Variants in TET1 observed in about 807,000 individuals in gnomAD.
TET1 encodes tet methylcytosine dioxygenase 1.
A neutral mutation model predicts 148.7 loss-of-function variants in TET1; 13 were observed. That is an observed-to-expected ratio of 0.09 (90% confidence interval 0.06 to 0.14). The LOEUF is 0.14. Ranked by LOEUF, TET1 falls within the 10% of genes least tolerant of loss-of-function variation. The pLI, the probability that TET1 is intolerant of heterozygous loss-of-function variation, is 1.00. For synonymous variants in TET1, 907 were observed against 937.2 expected (o/e 0.97, Z 0.59); for missense variants, 2,182 against 2,553.8 (o/e 0.85, Z 3.14).
At chr10:68,643,981 T>G (rs2054800748) in intron 3 of TET1, among the ~76,000 whole-genome samples, 1 of 151,766 alleles carries the variant, frequency 6.6e-6, no homozygotes. Flanking sequence ...CTTGGCCCAC[T>G]GCAACCTCTG....
intron 3 of TET1, among the ~76,000 whole-genome samples, chr10:68,606,721 T>C (rs1020854921): frequency 1.3e-5 from 2 of 152,114 alleles, no homozygotes; most frequent in African/African-American, 4.8e-5. Context: ...GTTGAAAATA[T>C]TCACAAGGGA....
At chr10:68,615,253 T>C (rs2054273025) in intron 3 of TET1, among the ~76,000 whole-genome samples, 1 of 152,066 alleles carries the variant, frequency 6.6e-6, no homozygotes, top group Admixed American at 6.6e-5. Context: ...CAGTATTCCC[T>C]TATACCCTAC....
Position 68,654,522 on chromosome 10 carries a change from CAGG to C in TET1, c.4461+1931_4461+1933del, listed in dbSNP as rs2054993190. ...GTCCCAGCTACTCGGGAGGCTGAGG[CAGG>C]AGAATTGCTTGAACCCCCGAGGTGG... On this transcript the variant is annotated intron_variant, in intron 6 of 11. Transcript: ENST00000373644. Among the ~76,000 whole-genome samples, 5 of 152,132 alleles carry C rather than the reference CAGG, an allele frequency of 3.3e-5. No homozygotes were observed. In the South Asian group the frequency reaches 1.0e-3, roughly 31 times the overall value.
intron 6 of TET1, among the ~76,000 whole-genome samples, chr10:68,656,456 G>A (rs2055023563): frequency 6.6e-6 from 1 of 152,142 alleles, no homozygotes; most frequent in South Asian, 2.1e-4. Flanking sequence ...TAGAGACGTG[G>A]TTTCACTGCA....
chr10:68,652,662 A>G, intron 6 of TET1, 68 bp downstream of exon 6: 1 of 1,055,052 alleles, frequency 9.5e-7, no homozygotes, highest in Non-Finnish European at 1.4e-6. Context: ...ATACATTTAC[A>G]ATAGCCAGAG....
chr10:68,609,954 C>G (rs905224262), intron 3 of TET1, among the ~76,000 whole-genome samples: 1 of 151,516 alleles, frequency 6.6e-6, no homozygotes. Flanking sequence ...TTGAGACCAG[C>G]CTGGGCAACA....
intron 3 of TET1, among the ~76,000 whole-genome samples, chr10:68,622,224 TCCTTCCTC>T (rs904705009): frequency 2.7e-5 from 2 of 73,232 alleles, no homozygotes; most frequent in African/African-American, 5.5e-5. Flanking sequence ...CTTCCTTCCC[TCCTTCCTC>T]CCTTCCCTCC....
At chr10:68,581,098 G>T (rs1477645927) in intron 2 of TET1, among the ~76,000 whole-genome samples, 1 of 152,096 alleles carries the variant, frequency 6.6e-6, no homozygotes, top group East Asian at 1.9e-4. Context: ...TAACTCCTCG[G>T]ATAAGTGAAA....
chr10:68,640,797 C>T lies in TET1; in HGVS notation c.1969-3901C>T, dbSNP rs909489387. Among the ~76,000 whole-genome samples the T allele has an allele frequency of 4.6e-5, 7 of 150,876 alleles. No homozygotes were observed. In the East Asian group the frequency reaches 5.8e-4, roughly 13 times the overall value. On this transcript the variant is annotated intron_variant, in intron 3 of 11. Transcript: ENST00000373644. Reference sequence around the variant, plus strand: ...CTATCTCCTGACCTCGTGATCTGCCCGCCTTGGCCTCCCAAAGTGCTGGGA... The same window carrying T: ...CTATCTCCTGACCTCGTGATCTGCCTGCCTTGGCCTCCCAAAGTGCTGGGA...
At chr10:68,609,844 G>A (rs1300707219) in intron 3 of TET1, among the ~76,000 whole-genome samples, 1 of 151,806 alleles carries the variant, frequency 6.6e-6, no homozygotes, top group African/African-American at 2.4e-5. Flanking sequence ...TGGGAGTTGG[G>A]TGAATTATTT....
chr10:68,641,165 T>G (rs2054747363), intron 3 of TET1, among the ~76,000 whole-genome samples: 1 of 151,958 alleles, frequency 6.6e-6, no homozygotes. Context: ...ATGTGTCTTT[T>G]GGCAACATGA....
chr10:68,579,945 T>TC (rs1010458077), intron 2 of TET1, among the ~76,000 whole-genome samples: 3 of 151,692 alleles, frequency 2.0e-5, no homozygotes, highest in African/African-American at 7.3e-5. Flanking sequence ...TTTTTTTTTT[T>TC]CAGATAGAAT....
intron 4 of TET1, among the ~76,000 whole-genome samples, chr10:68,647,701 A>G (rs1380952901): frequency 2.6e-5 from 4 of 152,146 alleles, no homozygotes; most frequent in Admixed American, 2.6e-4. Flanking sequence ...CTTTCATTAT[A>G]TTTTTGTGTG....
chr10:68,625,551 A>G (rs1398621319), intron 3 of TET1, among the ~76,000 whole-genome samples: 1 of 152,210 alleles, frequency 6.6e-6, no homozygotes, highest in Admixed American at 6.5e-5. Flanking sequence ...TAACTTTAAC[A>G]GAAAACCTTC....
At chr10:68,578,559 TATA>T (rs2053757936) in intron 2 of TET1, among the ~76,000 whole-genome samples, 1 of 152,132 alleles carries the variant, frequency 6.6e-6, no homozygotes, top group Non-Finnish European at 1.5e-5. Context: ...TTTGATTCTT[TATA>T]ATATTTTAAT....
intron 7 of TET1, among the ~76,000 whole-genome samples, chr10:68,672,500 A>AAC (rs1316724486): frequency 6.7e-6 from 1 of 148,420 alleles, no homozygotes; most frequent in East Asian, 1.9e-4. Context: ...AAAAAAAAAA[A>AAC]AAAAAAAAAA....
chr10:68,645,730 A>G lies in TET1; in HGVS notation c.3001A>G (p.Asn1001Asp). ...GTCACATGAATATTCAAAAGTCACA[A>G]ATTCATTATCTCTTTTTATACCAAA... The part of the protein sequence containing the change: ...TKSHEYSKVT[N>D]SLSLFIPKSN... The change falls in exon 4 of 12, where the codon AAT (asparagine) becomes GAT (aspartate). Residue 1001 changes from asparagine to aspartate, a missense_variant. Asn to Asp is a conservative substitution (Grantham distance 23, BLOSUM62 1). Coordinates refer to ENST00000373644, the MANE Select transcript of TET1 (RefSeq NM_030625.3). 1 of 1,614,216 alleles carries G rather than the reference A, an allele frequency of 6.2e-7. No individual in the cohort carries two copies. The highest frequency in any genetic ancestry group is 8.5e-7 in the Non-Finnish European group (1 of 1,180,038).
In TET1 at chr10:68,691,531, G is replaced by A. The variant is rs771754741; in HGVS notation, c.6128G>A (p.Arg2043His). ...CACCCCAACCGTAATCATCCAACCC[G>A]CCTCTCCCTTGTCTTTTACCAGCAC... ...VEHPNRNHPT[R>H]LSLVFYQHKN... The change falls in exon 12 of 12, where the codon CGC (arginine) becomes CAC (histidine). Residue 2043 changes from arginine (R) to histidine (H), a missense_variant. By Grantham distance (29) the Arg-to-His change is conservative. This residue lies in a region of TET1 where 20 missense variants were observed against 23.9 expected (regional missense o/e 0.84). Transcript: ENST00000373644. This position sits in a 1 kb window ranked among gnomAD's most constrained non-coding sequence, Gnocchi z 4.4. 6.2e-7 allele frequency: 1 copy of A among 1,613,892 alleles called. No homozygotes were observed. The highest frequency in any genetic ancestry group is 1.3e-5 in the African/African-American group (1 of 74,890).
At chr10:68,631,554 G>A (rs988618630) in intron 3 of TET1, among the ~76,000 whole-genome samples, 1 of 150,128 alleles carries the variant, frequency 6.7e-6, no homozygotes, top group African/African-American at 2.5e-5. Context: ...GATTACAGGC[G>A]TGAGCCACCA....
Sources: allele counts gnomAD v4.1 joint callset (sites outside exome capture counted in the v4.1 genomes callset), GRCh38; gene constraint gnomAD v4.1.1; regional missense constraint gnomAD v4.1.1; non-coding constraint Gnocchi (gnomAD v3.1); transcripts MANE v1.5; gene names NCBI Gene and HGNC (gene_info 2026-07-23, HGNC 2026-07-21).